The following RSU1 variants were observed in gnomAD, a reference collection of about 807,000 sequenced individuals.
The protein encoded by RSU1 is rsu-1.
In RSU1, 26 loss-of-function variants were observed where a neutral mutation model predicts 31.1. That is an observed-to-expected ratio of 0.84 (90% CI 0.61 to 1.16). RSU1 has a LOEUF of 1.16. Ranked by LOEUF, RSU1 falls within the 50% of genes most tolerant of loss-of-function variation. The probability of loss-of-function intolerance (pLI) is 0.00; values close to 1 mark genes in which losing one functional copy is unlikely to be tolerated. For synonymous variants in RSU1, 164 were observed against 136.3 expected (o/e 1.20, Z -1.41); for missense variants, 320 against 339.1 (o/e 0.94, Z 0.44).
chr10:16,673,122 G>C (rs540412207), intron 8 of RSU1, among the ~76,000 whole-genome samples: 1 of 152,300 alleles, frequency 6.6e-6, no homozygotes, highest in South Asian at 2.1e-4. Context: ...CATTTCCTTA[G>C]AGGGTATTCA....
At chr10:16,598,239 TAAGA>T (rs1833654499) in intron 8 of RSU1, among the ~76,000 whole-genome samples, 1 of 152,086 alleles carries the variant, frequency 6.6e-6, no homozygotes, top group African/African-American at 2.4e-5. Flanking sequence ...AGGGTCCTTA[TAAGA>T]AAGCAGCAGG....
At position 16,702,945 on chromosome 10, in the gene RSU1, G is replaced by A. The variant is rs926083047; in HGVS notation, c.599-7790C>T. Among the ~76,000 whole-genome samples the A allele has an allele frequency of 5.3e-5, 8 of 152,188 alleles. No homozygotes were observed. In the South Asian group the frequency reaches 1.2e-3, roughly 24 times the overall value. ...ATGTCGGAGGGAGGCCTGGTGTGAGGTGGCAGGATCATAAGAGTAATCCTT... is the reference window on the plus strand; with the variant it reads ...ATGTCGGAGGGAGGCCTGGTGTGAGATGGCAGGATCATAAGAGTAATCCTT... On this transcript the variant is annotated intron_variant, in intron 7 of 8. Transcript: ENST00000345264.
intron 7 of RSU1, among the ~76,000 whole-genome samples, chr10:16,705,540 A>G (rs1242413558): frequency 6.6e-6 from 1 of 151,942 alleles, no homozygotes. Context: ...CACAGGCTGG[A>G]GTGCAGAGGC....
intron 2 of RSU1, among the ~76,000 whole-genome samples, chr10:16,797,864 T>C (rs1483485610): frequency 1.6e-3 from 230 of 144,006 alleles, no homozygotes; most frequent in African/African-American, 3.4e-3. Flanking sequence ...TTCTTTTTTT[T>C]TTTTTTTTTT....
At chr10:16,773,703 A>T (rs1198330981) in intron 3 of RSU1, among the ~76,000 whole-genome samples, 1 of 152,138 alleles carries the variant, frequency 6.6e-6, no homozygotes, top group African/African-American at 2.4e-5. Context: ...TTCCTGCTGA[A>T]GTTATTATAT....
intron 7 of RSU1, among the ~76,000 whole-genome samples, chr10:16,746,591 G>T (rs1394386822): frequency 2.0e-5 from 3 of 151,684 alleles, no homozygotes; most frequent in Non-Finnish European, 4.4e-5. Context: ...GGTCTCATCG[G>T]CAGGTGAGAA....
rs537509522 is a variant in RSU1, at chr10:16,745,145, G to A, written c.598+7394C>T. ...GAAGAGCCCAGGTTTCAGAAAGCTG[G>A]TCTCTAAACAGTCAAAGTTTAATAG... On this transcript the variant is annotated intron_variant, in intron 7 of 8. Transcript: ENST00000345264. Among the ~76,000 whole-genome samples, 40 of 152,250 alleles carry A rather than the reference G, an allele frequency of 2.6e-4. No homozygotes were observed. The South Asian group carries it at 7.9e-3, about 30-fold the overall frequency.
chr10:16,799,449 T>C (rs1357915320), intron 2 of RSU1, among the ~76,000 whole-genome samples: 1 of 152,004 alleles, frequency 6.6e-6, no homozygotes, highest in Non-Finnish European at 1.5e-5. Flanking sequence ...TAGGAATGCC[T>C]CAAGGGTAAC....
intron 7 of RSU1, among the ~76,000 whole-genome samples, chr10:16,713,478 T>C (rs1375463659): frequency 1.3e-5 from 2 of 152,354 alleles, no homozygotes; most frequent in East Asian, 1.9e-4. Context: ...TAGTCTGTTG[T>C]TGAAGCTTTC....
At chr10:16,808,537 A>T (rs1671308) in intron 2 of RSU1, among the ~76,000 whole-genome samples, 22,463 of 150,334 alleles carry the variant, frequency 0.15, 2,139 homozygotes, top group East Asian at 0.3. Flanking sequence ...CCACTGCCTG[A>T]GTGACACTGG....
chr10:16,812,163 C>T (rs1838422406), intron 2 of RSU1, among the ~76,000 whole-genome samples: 1 of 152,186 alleles, frequency 6.6e-6, no homozygotes. Context: ...ATTTTAAGGC[C>T]GGGCACAGTG....
chr10:16,623,772 A>G (rs916186283), intron 8 of RSU1, among the ~76,000 whole-genome samples: 3 of 152,212 alleles, frequency 2.0e-5, no homozygotes, highest in Admixed American at 6.5e-5. Context: ...TCTAATGATT[A>G]GTGCTGTCGA....
chr10:16,650,440 T>C (rs1834661519), intron 8 of RSU1, among the ~76,000 whole-genome samples: 1 of 152,130 alleles, frequency 6.6e-6, no homozygotes, highest in South Asian at 2.1e-4. Context: ...TTCACTGTTA[T>C]TCATAAAGAC....
chr10:16,647,969 G>C lies in RSU1; in HGVS notation c.731+47054C>G, dbSNP rs140823332. Among the ~76,000 whole-genome samples, 193 of 151,956 alleles carry C rather than the reference G, an allele frequency of 1.3e-3. 1 individual carries two copies. The highest frequency in any genetic ancestry group is 2.2e-3 in the Non-Finnish European group (149 of 67,954). ...TCTTCTTTTTCTTGTTTTTCTTTGAGACAAGGTTTTGCTCTGTCACCCAGG... is the reference window on the plus strand; with the variant it reads ...TCTTCTTTTTCTTGTTTTTCTTTGACACAAGGTTTTGCTCTGTCACCCAGG... On this transcript the variant is annotated intron_variant, in intron 8 of 8. Coordinates refer to ENST00000345264, the MANE Select transcript of RSU1 (RefSeq NM_012425.4).
intron 8 of RSU1, among the ~76,000 whole-genome samples, chr10:16,635,268 G>A (rs918235893): frequency 6.6e-6 from 1 of 152,176 alleles, no homozygotes; most frequent in Non-Finnish European, 1.5e-5. Flanking sequence ...ATCACCTCTT[G>A]AATTATCATC....
intron 2 of RSU1, among the ~76,000 whole-genome samples, chr10:16,806,226 A>G (rs1838264090): frequency 1.3e-5 from 2 of 152,230 alleles, no homozygotes; most frequent in Admixed American, 6.5e-5. Flanking sequence ...TTACAGAATC[A>G]TTAGCCCAGA....
chr10:16,673,111 A>G (rs972291714), intron 8 of RSU1, among the ~76,000 whole-genome samples: 6 of 152,188 alleles, frequency 3.9e-5, no homozygotes, highest in African/African-American at 1.4e-4. Flanking sequence ...TAGTTTTTGT[A>G]CATTTCCTTA....
chr10:16,796,370 C>A (rs973328464), intron 2 of RSU1, among the ~76,000 whole-genome samples: 1 of 152,088 alleles, frequency 6.6e-6, no homozygotes, highest in African/African-American at 2.4e-5. Context: ...TACGTCTTCA[C>A]TGTGTGTGAT....
intron 4 of RSU1, 60 bp from the exon 5 acceptor site, chr10:16,755,049 C>G: frequency 1.1e-6 from 1 of 945,292 alleles, no homozygotes; most frequent in Non-Finnish European, 1.7e-6. Context: ...TACAGACTAT[C>G]AAGGGCACCT....
Sources: allele counts gnomAD v4.1 joint callset (sites outside exome capture counted in the v4.1 genomes callset), GRCh38; gene constraint gnomAD v4.1.1; transcripts MANE v1.5; gene names NCBI Gene and HGNC (gene_info 2026-07-23, HGNC 2026-07-21).